Variants in PROM1 observed in about 807,000 individuals in gnomAD.
PROM1 encodes the protein prominin-1.
In PROM1, 105 loss-of-function variants were observed where a neutral mutation model predicts 116.9. The observed-to-expected ratio is 0.90, with a 90% CI of 0.77 to 1.06. The LOEUF is 1.06. Ranked by LOEUF, PROM1 falls within the 50% of genes least tolerant of loss-of-function variation. The pLI is 0.00. For synonymous variants in PROM1, 393 were observed against 387.0 expected, an observed-to-expected ratio of 1.02 and a Z score of -0.18; for missense variants, 1,122 against 1,045.2, an observed-to-expected ratio of 1.07 and a Z score of -1.01.
rs1452765042 is a variant in PROM1, at chr4:16,076,010, C to A, written c.-104G>T. 4 of 1,453,526 alleles carry A rather than the reference C, an allele frequency of 2.8e-6. No individual in the cohort carries two copies. Among genetic ancestry groups the A allele is most frequent in the Non-Finnish European group, 3.6e-6 (4 of 1,102,010 alleles). 90.0% of individuals were successfully genotyped at this position (1,453,526 alleles called of 1,614,324 possible). On this transcript the variant is annotated 5_prime_UTR_variant, in exon 2 of 28. Coordinates refer to ENST00000447510, the MANE Select transcript of PROM1 (RefSeq NM_006017.3). ...AGCGTGTTCCTGGGCAGAAGAGGAGCAGGAAGCACTGGATCTGCTGAATCT... is the reference window on the plus strand; with the variant it reads ...AGCGTGTTCCTGGGCAGAAGAGGAGAAGGAAGCACTGGATCTGCTGAATCT...
At chr4:16,073,311 T>C (rs1370335312) in intron 2 of PROM1, among the ~76,000 whole-genome samples, 1 of 152,180 alleles carries the variant, frequency 6.6e-6, no homozygotes, top group East Asian at 1.9e-4. Context: ...AAACAATATA[T>C]AGGACTCAAT....
intron 2 of PROM1, among the ~76,000 whole-genome samples, chr4:16,057,798 A>G (rs1739384010): frequency 6.6e-6 from 1 of 152,204 alleles, no homozygotes. Context: ...AAGAAGAAAG[A>G]AAAAGAAAGA....
At chr4:15,995,489 T>C (rs1045503021) in intron 15 of PROM1, among the ~76,000 whole-genome samples, 9 of 152,274 alleles carry the variant, frequency 5.9e-5, no homozygotes, top group African/African-American at 2.2e-4. Flanking sequence ...ATTTATAAGT[T>C]CATTCTGAGT....
At chr4:15,985,145 A>G (rs1387060951) in intron 22 of PROM1, among the ~76,000 whole-genome samples, 1 of 152,258 alleles carries the variant, frequency 6.6e-6, no homozygotes, top group African/African-American at 2.4e-5. Context: ...TTTTTAATAC[A>G]GTATACCAAC....
At chr4:15,978,297 T>C (rs141250201) in intron 26 of PROM1, among the ~76,000 whole-genome samples, 1 of 152,272 alleles carries the variant, frequency 6.6e-6, no homozygotes, top group East Asian at 1.9e-4. Flanking sequence ...TAATGAAAAG[T>C]TCTGATTTTT....
chr4:16,038,802 A>C (rs896056490), intron 3 of PROM1, 144 bp downstream of exon 3: 44 of 807,338 alleles, frequency 5.5e-5, no homozygotes, highest in Non-Finnish European at 7.4e-5. Flanking sequence ...AAGGTGGTTC[A>C]ATATTCCATG....
At chr4:15,995,674 G>A (rs1722156569) in intron 15 of PROM1, among the ~76,000 whole-genome samples, 1 of 151,984 alleles carries the variant, frequency 6.6e-6, no homozygotes, top group South Asian at 2.1e-4. Context: ...TGTGTCCCTC[G>A]GCCGAGGTAC....
At chr4:15,999,474 A>T (rs1409944876) in intron 14 of PROM1, among the ~76,000 whole-genome samples, 1 of 151,948 alleles carries the variant, frequency 6.6e-6, no homozygotes, top group Non-Finnish European at 1.5e-5. Flanking sequence ...CCGTCTTAAA[A>T]AAAAAAAAAA....
chr4:16,007,352 C>T (rs1472016951), intron 12 of PROM1, among the ~76,000 whole-genome samples: 1 of 152,270 alleles, frequency 6.6e-6, no homozygotes, highest in Non-Finnish European at 1.5e-5. Flanking sequence ...TTAGGCCTTA[C>T]TGGCATTCCC....
chr4:16,041,781 AATAAATATATATATAT>A (rs1435957335), intron 2 of PROM1, among the ~76,000 whole-genome samples: 2 of 56,368 alleles, frequency 3.5e-5, no homozygotes, highest in African/African-American at 1.4e-4. Flanking sequence ...TAAATAAATA[AATAAATATATATATAT>A]ATATATATAT....
Position 15,992,278 on chromosome 4 carries a change from G to C in PROM1, c.1881C>G (p.Asp627Glu), listed in dbSNP as rs772353364. ...NLQDFAACGI[D>E]RMNYDSYLAQ... ...CCAAGTAGCTGTCATAATTCATTCT[G>C]TCTATTCCACAAGCAGCAAAATCCT... is the stretch of plus-strand genomic sequence containing the variant. The change falls in exon 17 of 28, where the codon GAC becomes GAG. Residue 627 changes from aspartate (D) to glutamate (E), a missense_variant. Transcript: ENST00000447510. 1.2e-6 allele frequency: 2 copies of C among 1,613,826 alleles called. No homozygotes were observed. The highest frequency in any genetic ancestry group is 1.7e-6 in the Non-Finnish European group (2 of 1,179,810).
intron 2 of PROM1, among the ~76,000 whole-genome samples, chr4:16,044,138 T>C (rs1467535790): frequency 6.6e-6 from 1 of 152,230 alleles, no homozygotes; most frequent in Admixed American, 6.5e-5. Context: ...GAAATGTGCC[T>C]TGTGCAGGAC....
chr4:15,994,880 G>T (rs1441652230), intron 15 of PROM1, among the ~76,000 whole-genome samples: 2 of 152,126 alleles, frequency 1.3e-5, no homozygotes, highest in Non-Finnish European at 2.9e-5. Context: ...GAGAACAAGC[G>T]GGTTGGTGTT....
At chr4:16,007,603 G>T (rs1359432739) in intron 12 of PROM1, among the ~76,000 whole-genome samples, 2 of 152,220 alleles carry the variant, frequency 1.3e-5, no homozygotes, top group Non-Finnish European at 2.9e-5. Context: ...AAGCCATGGA[G>T]GCTGGCCTCA....
Position 16,044,836 on chromosome 4 carries a change from CA to C in PROM1, c.221-5836del, listed in dbSNP as rs113174016. Among the ~76,000 whole-genome samples the C allele has an allele frequency of 5.8e-3, 888 of 152,124 alleles. 8 individuals are homozygous for C. Among genetic ancestry groups the C allele is most frequent in the African/African-American group, 0.02 (819 of 41,498 alleles). ...TATCTAGACAAAATTCCTGAGGGGA[CA>C]GGGGGAAGTAGGCAAACCAAGTAGA... On this transcript the variant is annotated intron_variant, in intron 2 of 27. Coordinates refer to ENST00000447510, the MANE Select transcript of PROM1 (RefSeq NM_006017.3).
At chr4:16,081,014 T>C (rs1409522997) in intron 1 of PROM1, among the ~76,000 whole-genome samples, 1 of 151,688 alleles carries the variant, frequency 6.6e-6, no homozygotes, top group Non-Finnish European at 1.5e-5. Context: ...GACCATCCTT[T>C]CAAGAAGTCC....
chr4:15,970,849 T>A (rs922106972), intron 27 of PROM1, among the ~76,000 whole-genome samples, 194 bp downstream of exon 27: 19 of 152,202 alleles, frequency 1.2e-4, no homozygotes, highest in African/African-American at 4.6e-4. Flanking sequence ...GATCCACAGT[T>A]GGTTGAATCA....
At position 16,018,410 on chromosome 4, in the gene PROM1, AG is replaced by A. The variant is rs761956014; in HGVS notation, c.914del (p.Pro305LeufsTer19). On this transcript the variant is annotated frameshift_variant, in exon 9 of 28. Coordinates refer to ENST00000447510, the MANE Select transcript of PROM1 (RefSeq NM_006017.3). LOFTEE classifies it high-confidence loss of function. ...CACTTGATGGATGCACCAAGCACAG[AG>A]GGTCATTGAGAGATGACCGCAGGCT... ...KTSLRSSLND[P>X]LCLVHPSSET... 6.2e-7 allele frequency: 1 copy of A among 1,613,750 alleles called. No individual in the cohort carries two copies. Among genetic ancestry groups the A allele is most frequent in the African/African-American group, 1.3e-5 (1 of 74,908 alleles).
intron 2 of PROM1, among the ~76,000 whole-genome samples, chr4:16,043,857 T>C (rs1735900125): frequency 2.6e-5 from 4 of 152,298 alleles, no homozygotes; most frequent in Non-Finnish European, 1.5e-5. Context: ...TGAGCAGCCC[T>C]GTGAACTTCA....
Sources: allele counts gnomAD v4.1 joint callset (sites outside exome capture counted in the v4.1 genomes callset), GRCh38; gene constraint gnomAD v4.1.1; transcripts MANE v1.5; gene names NCBI Gene and HGNC (gene_info 2026-07-23, HGNC 2026-07-21).